Variants in MYO3A observed in about 807,000 individuals in gnomAD.
The protein encoded by MYO3A is myosin IIIA.
Under a neutral mutation model 192.7 loss-of-function variants are expected in MYO3A, and 180 were observed. The ratio of observed to expected loss-of-function variants is 0.93; its 90% CI spans 0.83 to 1.06. MYO3A has a LOEUF of 1.06. Ranked by LOEUF, MYO3A falls within the 50% of genes least tolerant of loss-of-function variation. MYO3A has a pLI of 0.00. For synonymous variants in MYO3A, 628 were observed against 645.3 expected (o/e 0.97, Z 0.41); for missense variants, 1,896 against 1,905.0 (o/e 1.00, Z 0.09).
intron 26 of MYO3A, among the ~76,000 whole-genome samples, chr10:26,159,051 A>C (rs1221551797): frequency 6.7e-6 from 1 of 148,882 alleles, no homozygotes; most frequent in Non-Finnish European, 1.5e-5. Flanking sequence ...ACTGTTGCCC[A>C]GGCTGGAGTG....
At chr10:26,168,018 C>T (rs1368122911) in intron 27 of MYO3A, among the ~76,000 whole-genome samples, 3 of 152,204 alleles carry the variant, frequency 2.0e-5, no homozygotes, top group South Asian at 2.1e-4. Flanking sequence ...GATGAGAACA[C>T]GCCAAGCCTT....
intron 10 of MYO3A, among the ~76,000 whole-genome samples, chr10:26,050,809 C>T (rs981329242): frequency 6.6e-6 from 1 of 152,180 alleles, no homozygotes; most frequent in Non-Finnish European, 1.5e-5. Context: ...AATCCTCTCA[C>T]CCAGCCCAGA....
chr10:25,934,760 A>T (rs1470538335), intron 1 of MYO3A, among the ~76,000 whole-genome samples: 3 of 147,550 alleles, frequency 2.0e-5, no homozygotes, highest in Non-Finnish European at 4.5e-5. Context: ...ACGCGAGGGG[A>T]TAGTGAGGGG....
At chr10:26,159,063 A>C (rs908015745) in intron 26 of MYO3A, among the ~76,000 whole-genome samples, 9 of 149,604 alleles carry the variant, frequency 6.0e-5, no homozygotes, top group African/African-American at 2.2e-4. Context: ...GCTGGAGTGC[A>C]GTGGCCGGAT....
intron 15 of MYO3A, among the ~76,000 whole-genome samples, chr10:26,094,733 A>T (rs1248512784): frequency 6.6e-6 from 1 of 152,134 alleles, no homozygotes; most frequent in Admixed American, 6.5e-5. Flanking sequence ...AAGAATGAAT[A>T]ATTTCTAAAG....
chr10:26,027,475 G>C (rs1447426721), intron 10 of MYO3A, among the ~76,000 whole-genome samples: 1 of 151,934 alleles, frequency 6.6e-6, no homozygotes, highest in Non-Finnish European at 1.5e-5. Flanking sequence ...CCCCCAAGTA[G>C]CTGGGACTAT....
chr10:25,976,989 C>T (rs920521671), intron 4 of MYO3A, among the ~76,000 whole-genome samples: 1 of 151,994 alleles, frequency 6.6e-6, no homozygotes, highest in Non-Finnish European at 1.5e-5. Flanking sequence ...TTTTTAAAAA[C>T]TCATATTTCA....
chr10:25,952,054 C>G (rs1301668062), intron 2 of MYO3A, 40 bp from the exon 3 acceptor site: 2 of 1,480,038 alleles, frequency 1.4e-6, no homozygotes, highest in African/African-American at 1.4e-5. Flanking sequence ...ATTTGATATC[C>G]TCAATCAACT....
At chr10:25,991,297 T>C (rs902847043) in intron 4 of MYO3A, among the ~76,000 whole-genome samples, 4 of 152,262 alleles carry the variant, frequency 2.6e-5, no homozygotes, top group African/African-American at 9.6e-5. Context: ...GTCTGTTGGC[T>C]GCATAAACGT....
chr10:26,061,808 C>T (rs1467217689), intron 10 of MYO3A, among the ~76,000 whole-genome samples: 3 of 152,038 alleles, frequency 2.0e-5, no homozygotes, highest in Admixed American at 6.6e-5. Flanking sequence ...CCATCCACTC[C>T]CTATCGTTCT....
chr10:26,173,552 C>G (rs1429031763), intron 29 of MYO3A, 111 bp from the exon 30 acceptor site: 19 of 970,518 alleles, frequency 2.0e-5, no homozygotes, highest in Non-Finnish European at 2.7e-5. Context: ...TTTGAGCTTT[C>G]TTTGTTCCTT....
rs1355231283 is a variant in MYO3A at position 26,211,902 on chromosome 10, A to G, written c.4790A>G (p.Tyr1597Cys). 6.2e-7 allele frequency: 1 copy of G among 1,613,856 alleles called. No individual in the cohort carries two copies. The highest frequency in any genetic ancestry group is 1.1e-5 in the South Asian group (1 of 91,014). ...GAGAGAGAGCCAGCAGCCAACCCCT[A>G]CGACTTCAGGAGGCTCCTGCGCAAA... is the stretch of plus-strand genomic sequence containing the variant. ...EEEREPAANP[Y>C]DFRRLLRKTS... Residue 1597 changes from tyrosine (Y) to cysteine (C), a missense_variant, in exon 35 of 35, where the codon TAC becomes TGC. Coordinates refer to ENST00000642920, the MANE Select transcript of MYO3A (RefSeq NM_017433.5).
intron 10 of MYO3A, among the ~76,000 whole-genome samples, chr10:26,029,128 G>A (rs1046886196): frequency 3.9e-5 from 6 of 152,118 alleles, no homozygotes; most frequent in African/African-American, 7.2e-5. Context: ...TTCAAACATC[G>A]TGAGAATGGT....
intron 6 of MYO3A, among the ~76,000 whole-genome samples, chr10:25,997,916 A>C (rs572909597): frequency 1.3e-5 from 2 of 152,226 alleles, no homozygotes; most frequent in Non-Finnish European, 2.9e-5. Context: ...ATAAATTTCC[A>C]TATTTACTAA....
intron 14 of MYO3A, 61 bp downstream of exon 14, chr10:26,070,462 T>G (rs1835141041): frequency 7.3e-7 from 1 of 1,366,854 alleles, no homozygotes; most frequent in Admixed American, 1.7e-5. Flanking sequence ...TAACTTAATA[T>G]AACTGATTAG....
intron 22 of MYO3A, 145 bp downstream of exon 22, chr10:26,145,679 G>A (rs2131858755): frequency 1.3e-6 from 1 of 741,414 alleles, no homozygotes; most frequent in Non-Finnish European, 2.4e-6. Context: ...CCCTAATTAT[G>A]CCCTCTGATG....
At position 26,102,355 on chromosome 10, in the gene MYO3A, G is replaced by A. The variant is rs548996810; in HGVS notation, c.1776+5673G>A. Among the ~76,000 whole-genome samples the A allele has an allele frequency of 5.3e-5, 8 of 152,152 alleles. No individual in the cohort carries two copies. In the South Asian group the frequency reaches 1.2e-3, roughly 24 times the overall value. On this transcript the variant is annotated intron_variant, in intron 17 of 34. Coordinates refer to ENST00000642920, the MANE Select transcript of MYO3A (RefSeq NM_017433.5). ...CAGTTCAAACATCCTCCTTTAGCTC[G>A]GAGAAGTCTGTTATTACCGATCATC...
chr10:26,006,303 A>G (rs567887748), intron 6 of MYO3A, among the ~76,000 whole-genome samples: 196 of 152,292 alleles, frequency 1.3e-3, no homozygotes, highest in African/African-American at 4.5e-3. Flanking sequence ...TGACACCCTA[A>G]CATCACAATT....
chr10:26,040,053 T>C (rs1266242338), intron 10 of MYO3A, among the ~76,000 whole-genome samples: 1 of 152,070 alleles, frequency 6.6e-6, no homozygotes, highest in Non-Finnish European at 1.5e-5. Context: ...CTGTATTCCA[T>C]AGGTTATGGT....
Sources: gnomAD v4.1 joint callset for allele counts (sites outside exome capture counted in the v4.1 genomes callset) on GRCh38, gnomAD v4.1.1 for gene constraint, MANE v1.5 for transcripts, NCBI Gene and HGNC (gene_info 2026-07-23, HGNC 2026-07-21) for gene names.